Variants in ZBTB40 observed in about 807,000 individuals in gnomAD.
The protein encoded by ZBTB40 is zinc finger and BTB domain-containing protein 40.
A neutral mutation model predicts 117.5 loss-of-function variants in ZBTB40; 60 were observed. The ratio of observed to expected loss-of-function variants is 0.51; its 90% CI spans 0.41 to 0.63. The LOEUF (loss-of-function observed/expected upper bound fraction) is 0.63, where lower values mean the gene tolerates loss of function less well. Among genes scored for constraint, ZBTB40 ranks in the 30% least tolerant of loss-of-function variants. The pLI, the probability that ZBTB40 is intolerant of heterozygous loss-of-function variation, is 0.00. For synonymous variants in ZBTB40, 525 were observed against 577.1 expected (o/e 0.91, Z 1.29); for missense variants, 1,287 against 1,498.5 (o/e 0.86, Z 2.33).
At chr1:22,477,682 G>T (rs1641585071) in intron 1 of ZBTB40, among the ~76,000 whole-genome samples, 1 of 150,504 alleles carries the variant, frequency 6.6e-6, no homozygotes, top group African/African-American at 2.4e-5. Context: ...AAGAAAGAAA[G>T]CTAATTAAGA....
rs1294423590 is a variant in ZBTB40 at position 22,530,914 on chromosome 1, G to A, written c.*4518G>A. 1 of 152,144 alleles carries A rather than the reference G, an allele frequency of 6.6e-6. No homozygotes were observed. The highest frequency in any genetic ancestry group is 2.4e-5 in the African/African-American group (1 of 41,416). The allele number at this position is 152,144 out of a possible 1,614,324, so 9.4% of individuals were successfully genotyped here. A position where few individuals can be genotyped will look rare whatever the true frequency, so the allele number is the denominator to read the frequency against. Reference sequence around the variant, plus strand: ...TCCCAGGGAGCAAGTGTGGGGCAGGGTTTCAGAGCACAGGCTTTGGTGTCC... The same window carrying A: ...TCCCAGGGAGCAAGTGTGGGGCAGGATTTCAGAGCACAGGCTTTGGTGTCC... On this transcript the variant is annotated 3_prime_UTR_variant, in exon 18 of 18. Transcript: ENST00000375647.
At chr1:22,459,580 G>A (rs913276643) in intron 1 of ZBTB40, among the ~76,000 whole-genome samples, 1 of 152,126 alleles carries the variant, frequency 6.6e-6, no homozygotes, top group African/African-American at 2.4e-5. Flanking sequence ...TTCATATGCT[G>A]TTACAAAATC....
intron 1 of ZBTB40, among the ~76,000 whole-genome samples, chr1:22,465,743 T>A (rs1209564168): frequency 6.6e-6 from 1 of 151,890 alleles, no homozygotes; most frequent in Non-Finnish European, 1.5e-5. Flanking sequence ...GATGCCTGAG[T>A]TGCAGCCATG....
At chr1:22,446,070 A>G (rs765264284) in intron 1 of ZBTB40, among the ~76,000 whole-genome samples, 4 of 152,124 alleles carry the variant, frequency 2.6e-5, no homozygotes, top group Non-Finnish European at 5.9e-5. Context: ...AAAGAGATGG[A>G]AATTCTAAGA....
At chr1:22,436,062 A>G (rs993020520) in intron 1 of ZBTB40, among the ~76,000 whole-genome samples, 1 of 152,180 alleles carries the variant, frequency 6.6e-6, no homozygotes, top group African/African-American at 2.4e-5. Flanking sequence ...TGATGGAAGT[A>G]TAAATGATAC....
At chr1:22,466,632 A>C (rs931298294) in intron 1 of ZBTB40, among the ~76,000 whole-genome samples, 2 of 152,098 alleles carry the variant, frequency 1.3e-5, no homozygotes, top group African/African-American at 4.8e-5. Context: ...ATCTGCATTT[A>C]CTAATGACTG....
At chr1:22,478,056 T>C (rs1641592717) in intron 1 of ZBTB40, among the ~76,000 whole-genome samples, 2 of 152,248 alleles carry the variant, frequency 1.3e-5, no homozygotes, top group African/African-American at 4.8e-5. Flanking sequence ...CCTTGACTCT[T>C]AGAACACCCT....
At chr1:22,500,274 G>C (rs892257180) in intron 3 of ZBTB40, among the ~76,000 whole-genome samples, 1 of 152,196 alleles carries the variant, frequency 6.6e-6, no homozygotes, top group Non-Finnish European at 1.5e-5. Context: ...GAAGCATCTA[G>C]AAGAGTCAAG....
chr1:22,512,674 GATAAGCCCAGC>G (rs2124460403), intron 11 of ZBTB40, among the ~76,000 whole-genome samples: 1 of 152,326 alleles, frequency 6.6e-6, no homozygotes, highest in Admixed American at 6.5e-5. Flanking sequence ...GAATGGGGAA[GATAAGCCCAGC>G]ATTACTTTCC....
intron 3 of ZBTB40, among the ~76,000 whole-genome samples, chr1:22,499,601 C>T (rs776039470): frequency 1.3e-5 from 2 of 152,176 alleles, no homozygotes; most frequent in Non-Finnish European, 2.9e-5. Flanking sequence ...CTTAGGTTCT[C>T]AGAAGTTTCT....
chr1:22,501,456 C>G (rs370127799), intron 3 of ZBTB40, 36 bp from the exon 4 acceptor site: 68 of 1,611,328 alleles, frequency 4.2e-5, no homozygotes, highest in Non-Finnish European at 5.6e-5. Flanking sequence ...TCTTGTGGTT[C>G]GCTAATCTAT....
chr1:22,526,391 A>G lies in ZBTB40; in HGVS notation c.3715A>G (p.Lys1239Glu), dbSNP rs1274477698. ...GTVTLICGEA[K>E] The stretch of plus-strand genomic sequence containing the variant: ...AGTGACGCTGATCTGTGGTGAGGCC[A>G]AATGAGCAGCCTTTCATCCGGCAGA... The change falls in exon 18 of 18, where the codon AAA becomes GAA. Residue 1239 changes from lysine (K) to glutamate (E), a missense_variant. By Grantham distance (56) the Lys-to-Glu change is moderately conservative. Coordinates refer to ENST00000375647, the MANE Select transcript of ZBTB40 (RefSeq NM_014870.4). The G allele has an allele frequency of 6.2e-7, 1 of 1,614,106 alleles. No individual in the cohort carries two copies. Among genetic ancestry groups the G allele is most frequent in the South Asian group, 1.1e-5 (1 of 91,062 alleles).
chr1:22,511,954 G>A lies in ZBTB40; in HGVS notation c.2281G>A (p.Ala761Thr), dbSNP rs1445226839. ...LKVHMKRCRV[A>T]KSKQVQCKEC... ...GGTGCACATGAAGCGCTGCCGGGTG[G>A]CTAAGAGCAAACAGGTGCAGTGTAA... Residue 761 changes from alanine to threonine, a missense_variant, in exon 11 of 18, where the codon GCT becomes ACT. Coordinates refer to ENST00000375647, the MANE Select transcript of ZBTB40 (RefSeq NM_014870.4). 4 of 1,614,194 alleles carry A rather than the reference G, an allele frequency of 2.5e-6. No homozygotes were observed. The highest frequency in any genetic ancestry group is 3.4e-6 in the Non-Finnish European group (4 of 1,180,038).
chr1:22,443,120 G>A (rs894223881), intron 1 of ZBTB40, among the ~76,000 whole-genome samples: 2 of 152,068 alleles, frequency 1.3e-5, no homozygotes, highest in Admixed American at 6.5e-5. Flanking sequence ...GTTCTCTCTC[G>A]AACAAAGTCT....
chr1:22,513,023 A>G lies in ZBTB40; in HGVS notation c.2561A>G (p.His854Arg). Reference protein sequence around the residue: ...KFAANSTLKNHLRLHTGDRPF... With the variant: ...KFAANSTLKNRLRLHTGDRPF... ...GCAGCCAATTCCACCCTGAAGAACCACCTTCGCCTTCACACCGGGGACCGC... is the reference window on the plus strand; with the variant it reads ...GCAGCCAATTCCACCCTGAAGAACCGCCTTCGCCTTCACACCGGGGACCGC... Residue 854 changes from histidine (H) to arginine (R), a missense_variant, in exon 12 of 18, where the codon CAC (histidine) becomes CGC (arginine). Coordinates refer to ENST00000375647, the MANE Select transcript of ZBTB40 (RefSeq NM_014870.4). This position sits in a 1 kb window ranked among gnomAD's most constrained non-coding sequence, Gnocchi z 4.9. 1 of 1,614,116 alleles carries G rather than the reference A, an allele frequency of 6.2e-7. No individual in the cohort carries two copies. Among genetic ancestry groups the G allele is most frequent in the Non-Finnish European group, 8.5e-7 (1 of 1,180,032 alleles).
chr1:22,495,150 A>G (rs1314253867), intron 3 of ZBTB40, among the ~76,000 whole-genome samples: 1 of 152,140 alleles, frequency 6.6e-6, no homozygotes, highest in East Asian at 1.9e-4. Context: ...CCTGGGCAGG[A>G]TTGAGTTTAG....
At chr1:22,524,563 C>G in intron 17 of ZBTB40, 119 bp downstream of exon 17, 1 of 1,177,176 alleles carries the variant, frequency 8.5e-7, no homozygotes, top group Non-Finnish European at 1.2e-6. Context: ...GAGAGTCTCT[C>G]TGGACTTCTT....
At chr1:22,461,644 G>A (rs550842845) in intron 1 of ZBTB40, among the ~76,000 whole-genome samples, 3 of 152,298 alleles carry the variant, frequency 2.0e-5, no homozygotes, top group African/African-American at 4.8e-5. Flanking sequence ...GGGTACTGAA[G>A]GCTGAGTGAT....
At chr1:22,455,946 A>G (rs1440626858) in intron 1 of ZBTB40, among the ~76,000 whole-genome samples, 1 of 152,162 alleles carries the variant, frequency 6.6e-6, no homozygotes, top group Non-Finnish European at 1.5e-5. Flanking sequence ...CTGAGTATTT[A>G]CATTACCCTT....
Sources: gnomAD v4.1 joint callset for allele counts (sites outside exome capture counted in the v4.1 genomes callset) on GRCh38, gnomAD v4.1.1 for gene constraint, Gnocchi (gnomAD v3.1) non-coding constraint, MANE v1.5 for transcripts, NCBI Gene and HGNC (gene_info 2026-07-23, HGNC 2026-07-21) for gene names.